SARAF: variants seen among roughly 807,000 people sequenced by gnomAD.
The protein encoded by SARAF is store-operated calcium entry associated regulatory factor, also known as store-operated calcium entry-associated regulatory factor.
Under a neutral mutation model 39.7 loss-of-function variants are expected in SARAF, and 23 were observed. The ratio of observed to expected loss-of-function variants is 0.58; its 90% CI spans 0.42 to 0.82. SARAF has a LOEUF of 0.82. Ranked by LOEUF, SARAF falls within the 40% of genes least tolerant of loss-of-function variation. The pLI, the probability that SARAF is intolerant of heterozygous loss-of-function variation, is 0.00. For missense variants in SARAF, 384 were observed against 418.5 expected, an observed-to-expected ratio of 0.92 and a Z score of 0.72; for synonymous variants, 175 against 168.5, an observed-to-expected ratio of 1.04 and a Z score of -0.30.
At chr8:30,064,227 G>A (rs561332648) in intron 5 of SARAF, among the ~76,000 whole-genome samples, 1 of 152,190 alleles carries the variant, frequency 6.6e-6, no homozygotes, top group South Asian at 2.1e-4. Flanking sequence ...AAAGACAGAG[G>A]CCAGTGGCGC....
At chr8:30,065,723 C>T in intron 5 of SARAF, 1 of 409,610 alleles carries the variant, frequency 2.4e-6, no homozygotes, top group East Asian at 5.0e-5. Flanking sequence ...CTAGAGATCA[C>T]AGAATTAAAT....
intron 4 of SARAF, 39 bp from the exon 5 acceptor site, chr8:30,066,178 G>A: frequency 5.1e-6 from 8 of 1,553,460 alleles, no homozygotes; most frequent in Non-Finnish European, 7.0e-6. Context: ...TTTTTTTCTT[G>A]TGGCTATAAT....
chr8:30,065,897 GGT>G, intron 5 of SARAF, 89 bp downstream of exon 5: 1 of 1,460,848 alleles, frequency 6.8e-7, no homozygotes, highest in African/African-American at 1.4e-5. Flanking sequence ...ATAAAACCAT[GGT>G]TGCTAAACAG....
intron 1 of SARAF, chr8:30,082,337 CAAA>C (rs55898226): frequency 1.7e-4 from 24 of 140,190 alleles, no homozygotes; most frequent in East Asian, 4.1e-4. Context: ...GACTCCGACT[CAAA>C]AAAAAAAAAA....
intron 1 of SARAF, among the ~76,000 whole-genome samples, chr8:30,080,351 A>C (rs550800969): frequency 6.6e-6 from 1 of 152,238 alleles, no homozygotes; most frequent in South Asian, 2.1e-4. Context: ...GATATAAGTA[A>C]TTTCAGGTCA....
At position 30,063,773 on chromosome 8, in the gene SARAF, G is replaced by T; in HGVS notation, c.*115C>A. ...AAGCTACACTGGACATAACACCACAGAACTTTTGAATATCCCCTTTTCCCA... is the reference window on the plus strand; with the variant it reads ...AAGCTACACTGGACATAACACCACATAACTTTTGAATATCCCCTTTTCCCA... On this transcript the variant is annotated 3_prime_UTR_variant, in exon 6 of 6. Transcript: ENST00000256255. The T allele has an allele frequency of 1.1e-6, 1 of 909,294 alleles. No homozygotes were observed. Among genetic ancestry groups the T allele is most frequent in the Non-Finnish European group, 1.8e-6 (1 of 550,822 alleles). The allele number at this position is 909,294 out of a possible 1,614,324, so 56.3% of individuals were successfully genotyped here.
intron 1 of SARAF, 29 bp from the exon 2 acceptor site, chr8:30,074,084 A>C: frequency 1.2e-6 from 2 of 1,601,028 alleles, no homozygotes; most frequent in Non-Finnish European, 1.7e-6. Flanking sequence ...AGAGGAACAC[A>C]AAGTAAGTAT....
At chr8:30,068,626 T>C (rs1424320440) in intron 3 of SARAF, among the ~76,000 whole-genome samples, 1 of 125,382 alleles carries the variant, frequency 8.0e-6, no homozygotes, top group Non-Finnish European at 1.6e-5. Context: ...TGGTCCCTGG[T>C]GCCAAAAAGG....
intron 5 of SARAF, among the ~76,000 whole-genome samples, chr8:30,064,178 G>A (rs778839614): frequency 1.3e-5 from 2 of 152,044 alleles, no homozygotes; most frequent in African/African-American, 4.8e-5. Flanking sequence ...TCTATAGTGG[G>A]GCCACCATGG....
intron 1 of SARAF, among the ~76,000 whole-genome samples, chr8:30,080,210 G>T (rs940719479): frequency 6.6e-6 from 1 of 152,132 alleles, no homozygotes; most frequent in South Asian, 2.1e-4. Context: ...TGGGCCAAGC[G>T]GTCACCACTC....
intron 2 of SARAF, 64 bp from the exon 3 acceptor site, chr8:30,070,123 T>C: frequency 7.0e-7 from 1 of 1,433,544 alleles, no homozygotes; most frequent in South Asian, 1.4e-5. Context: ...TATATGTTAC[T>C]TGGGGGCCGG....
At chr8:30,070,643 T>C (rs967846720) in intron 2 of SARAF, among the ~76,000 whole-genome samples, 7 of 152,230 alleles carry the variant, frequency 4.6e-5, no homozygotes, top group East Asian at 1.9e-4. Flanking sequence ...TCTGAACATA[T>C]TAAGTATTCT....
intron 1 of SARAF, 180 bp downstream of exon 1, chr8:30,082,664 TCCC>T (rs1171817642): frequency 2.0e-6 from 1 of 510,142 alleles, no homozygotes; most frequent in Non-Finnish European, 3.5e-6. Flanking sequence ...CCTACCCGCC[TCCC>T]AAGACGCCTG....
chr8:30,069,548 T>C, intron 3 of SARAF, 94 bp downstream of exon 3: 1 of 1,291,644 alleles, frequency 7.7e-7, no homozygotes, highest in Middle Eastern at 2.1e-4. Flanking sequence ...CCTCCTTTGG[T>C]TTCCCAATGC....
At chr8:30,066,685 T>C in intron 4 of SARAF, 92 bp downstream of exon 4, 2 of 1,503,096 alleles carry the variant, frequency 1.3e-6, no homozygotes, top group Non-Finnish European at 1.8e-6. Context: ...CACCACAATT[T>C]ATTTTCCTTA....
chr8:30,064,547 A>ATTTTTTTTTTTTTTTTTTTT lies in SARAF; in HGVS notation c.995-635_995-634insAAAAAAAAAAAAAAAAAAAA. 5.4e-5 allele frequency among the ~76,000 whole-genome samples: 2 copies of ATTTTTTTTTTTTTTTTTTTT among 37,012 alleles called. 1 individual carries two copies. 24.3% of individuals were successfully genotyped at this position (37,012 alleles called of 152,430 possible). A position where few individuals can be genotyped will look rare whatever the true frequency, so the allele number is the denominator to read the frequency against. On this transcript the variant is annotated intron_variant, in intron 5 of 5. Transcript: ENST00000256255. ...GTCTTACCTAGCCATATATATATAT[A>ATTTTTTTTTTTTTTTTTTTT]TATATATATATATATTTTTTTTTTT...
chr8:30,071,836 TTTA>T (rs1801854269), intron 2 of SARAF, among the ~76,000 whole-genome samples: 1 of 152,236 alleles, frequency 6.6e-6, no homozygotes, highest in Non-Finnish European at 1.5e-5. Context: ...ATATACCACT[TTTA>T]TTTATCGTTC....
intron 5 of SARAF, 178 bp downstream of exon 5, chr8:30,065,810 C>T (rs1801670098): frequency 1.4e-6 from 1 of 717,162 alleles, no homozygotes. Flanking sequence ...AATCAAATCC[C>T]TGTTTGATTT....
intron 5 of SARAF, among the ~76,000 whole-genome samples, chr8:30,065,532 C>A (rs1801664445): frequency 6.6e-6 from 1 of 152,174 alleles, no homozygotes; most frequent in African/African-American, 2.4e-5. Context: ...ATGCTTAATC[C>A]AGTTATTCCT....
Sources: gnomAD v4.1 joint callset for allele counts (sites outside exome capture counted in the v4.1 genomes callset) on GRCh38, gnomAD v4.1.1 for gene constraint, MANE v1.5 for transcripts, NCBI Gene and HGNC (gene_info 2026-07-23, HGNC 2026-07-21) for gene names.